ZNF234: variants seen among roughly 807,000 people sequenced by gnomAD.
The protein encoded by ZNF234 is C2-H2 type zinc finger protein.
Under a neutral mutation model 10.3 loss-of-function variants are expected in ZNF234, and 4 were observed. The ratio of observed to expected loss-of-function variants is 0.39; its 90% CI spans 0.19 to 0.89. The LOEUF (loss-of-function observed/expected upper bound fraction) is 0.89, where lower values mean the gene tolerates loss of function less well. Ranked by LOEUF, ZNF234 falls within the 40% of genes least tolerant of loss-of-function variation. The pLI, the probability that ZNF234 is intolerant of heterozygous loss-of-function variation, is 0.38. For synonymous variants in ZNF234, 258 were observed against 280.1 expected (o/e 0.92, Z 0.79); for missense variants, 711 against 836.1 (o/e 0.85, Z 1.85).
Position 44,156,322 on chromosome 19 carries a change from A to C in ZNF234, c.306A>C (p.Gln102His), listed in dbSNP as rs555059613. ...GACATGAAGAGCTTTACTGGGGGCA[A>C]ATCTGGAAACAGATTGCAAGTGATT... ...AGRHEELYWGQIWKQIASDLI... is the reference protein window; with the variant it reads ...AGRHEELYWGHIWKQIASDLI... The change falls in exon 6 of 6, where the codon CAA (glutamine) becomes CAC (histidine). Residue 102 changes from glutamine to histidine, a missense_variant. By Grantham distance (24) the Gln-to-His change is conservative (BLOSUM62 0). Transcript: ENST00000426739. 1 of 1,605,960 alleles carries C rather than the reference A, an allele frequency of 6.2e-7. No individual in the cohort carries two copies. The highest frequency in any genetic ancestry group is 8.5e-7 in the Non-Finnish European group (1 of 1,176,760).
intron 5 of ZNF234, among the ~76,000 whole-genome samples, chr19:44,151,288 C>T (rs1487816055): frequency 2.0e-5 from 3 of 152,014 alleles, no homozygotes; most frequent in East Asian, 3.9e-4. Context: ...CTGCCACCTC[C>T]GCCTCCCAGG....
rs769682516 is a variant in ZNF234, at chr19:44,157,372, A to G, written c.1356A>G (p.Val452=). 1 of 1,614,014 alleles carries G rather than the reference A, an allele frequency of 6.2e-7. No homozygotes were observed. Among genetic ancestry groups the G allele is most frequent in the South Asian group, 1.1e-5 (1 of 91,078 alleles). Residue 452 remains valine (V), a synonymous_variant, in exon 6 of 6, where the codon GTA becomes GTG. Transcript: ENST00000426739. ...AAATCCATCTGAAAGCACATAGTGT[A>G]CAGAAACCTTTTAAGTGTGAAGAGT... ...YLKIHLKAHS[V]QKPFKCEECG... is the part of the protein sequence containing the mutation.
rs1968959189 is a variant in ZNF234 at position 44,158,188 on chromosome 19, A to T, written c.*69A>T. 2 of 1,502,288 alleles carry T rather than the reference A, an allele frequency of 1.3e-6. No individual in the cohort carries two copies. Among genetic ancestry groups the T allele is most frequent in the East Asian group, 4.5e-5 (2 of 44,320 alleles). 93.1% of individuals were successfully genotyped at this position (1,502,288 alleles called of 1,614,324 possible). On this transcript the variant is annotated 3_prime_UTR_variant, in exon 6 of 6. Transcript: ENST00000426739. The stretch of plus-strand genomic sequence containing the variant: ...TAATTAGATTTCATAGGAGGGAAAA[A>T]TTTTCTTTATCAACCTCTTTGAATT...
chr19:44,156,256 C>G lies in ZNF234; in HGVS notation c.240C>G (p.Asp80Glu). The change falls in exon 6 of 6, where the codon GAC becomes GAG. Residue 80 changes from aspartate (D) to glutamate (E), a missense_variant. By Grantham distance (45) the Asp-to-Glu change is conservative (BLOSUM62 2). Transcript: ENST00000426739. ...TATQRKGKSA[D>E]KIQSEVETVP... ...CTGAATTCTCTGTCCTTACAGCAGA[C>G]AAGATCCAAAGTGAGGTGGAGACTG... 1 of 1,544,962 alleles carries G rather than the reference C, an allele frequency of 6.5e-7. No homozygotes were observed. The highest frequency in any genetic ancestry group is 8.7e-7 in the Non-Finnish European group (1 of 1,151,670).
intron 2 of ZNF234, among the ~76,000 whole-genome samples, chr19:44,142,615 T>A (rs1968493632): frequency 6.6e-6 from 1 of 152,138 alleles, no homozygotes; most frequent in South Asian, 2.1e-4. Context: ...ATCTCTTGGA[T>A]ATATTCTCAT....
chr19:44,144,201 C>T (rs1173487524), intron 2 of ZNF234, among the ~76,000 whole-genome samples: 1 of 152,116 alleles, frequency 6.6e-6, no homozygotes, highest in East Asian at 1.9e-4. Flanking sequence ...CAACAAGTAA[C>T]CTACTTTCTT....
chr19:44,147,518 G>A (rs916752624), intron 3 of ZNF234, among the ~76,000 whole-genome samples: 3 of 152,126 alleles, frequency 2.0e-5, no homozygotes, highest in African/African-American at 7.2e-5. Flanking sequence ...GATTACAGGT[G>A]TGAGCGACTG....
chr19:44,158,400 C>T lies in ZNF234; in HGVS notation c.*281C>T, dbSNP rs538804794. The T allele has an allele frequency of 3.4e-4, 135 of 396,818 alleles. 1 individual carries two copies. Among genetic ancestry groups the T allele is most frequent in the African/African-American group, 2.3e-3 (112 of 48,196 alleles). 24.6% of individuals were successfully genotyped at this position (396,818 alleles called of 1,614,324 possible). A position where few individuals can be genotyped will look rare whatever the true frequency, so the allele number is the denominator to read the frequency against. On this transcript the variant is annotated 3_prime_UTR_variant, in exon 6 of 6. Transcript: ENST00000426739. ...AGTGGATTACAGGTGCACACCACCA[C>T]GCCTGGCTAATTTTTGTATTTTTAG...
In ZNF234 at chr19:44,156,389, C is replaced by T. The variant is rs745819451; in HGVS notation, c.373C>T (p.Pro125Ser). 2 of 1,613,310 alleles carry T rather than the reference C, an allele frequency of 1.2e-6. No homozygotes were observed. The highest frequency in any genetic ancestry group is 1.7e-6 in the Non-Finnish European group (2 of 1,179,672). Residue 125 changes from proline (P) to serine (S), a missense_variant, in exon 6 of 6, where the codon CCC becomes TCC. By Grantham distance (74) the Pro-to-Ser change is moderately conservative (BLOSUM62 -1). Transcript: ENST00000426739. ...EDSMISISRF[P>S]RQGDLSCQVR... ...CTCTATGATAAGTATTTCTCGGTTC[C>T]CCAGACAAGGTGATTTGTCCTGCCA... is the stretch of plus-strand genomic sequence containing the variant.
chr19:44,144,422 T>G, intron 2 of ZNF234, 135 bp from the exon 3 acceptor site: 1 of 400,744 alleles, frequency 2.5e-6, no homozygotes, highest in East Asian at 3.6e-5. Flanking sequence ...TAGGAGGGCA[T>G]TTTGGTTGTG....
At chr19:44,142,917 A>AT (rs1398962612) in intron 2 of ZNF234, among the ~76,000 whole-genome samples, 1 of 152,176 alleles carries the variant, frequency 6.6e-6, no homozygotes, top group Admixed American at 6.5e-5. Context: ...TTCCATGTTT[A>AT]TATTACTTAT....
rs1285524802 is a variant in ZNF234, at chr19:44,158,856, C to G, written c.*737C>G. 2 of 152,556 alleles carry G rather than the reference C, an allele frequency of 1.3e-5. No individual in the cohort carries two copies. The highest frequency in any genetic ancestry group is 2.4e-5 in the African/African-American group (1 of 41,440). The allele number at this position is 152,556 out of a possible 1,614,324, so 9.5% of individuals were successfully genotyped here. A position where few individuals can be genotyped will look rare whatever the true frequency, so the allele number is the denominator to read the frequency against. On this transcript the variant is annotated 3_prime_UTR_variant, in exon 6 of 6. Transcript: ENST00000426739. ...TCCATGGGGGCAGGAACTTTGCTAC[C>G]GAATCTATACAACCTTAACATTGAC...
chr19:44,146,182 A>C (rs1968586472), intron 3 of ZNF234, among the ~76,000 whole-genome samples: 2 of 152,050 alleles, frequency 1.3e-5, no homozygotes, highest in African/African-American at 4.8e-5. Context: ...GTAGTGGGGG[A>C]CCTCTTGTGT....
chr19:44,151,842 C>G (rs527546697), intron 5 of ZNF234, among the ~76,000 whole-genome samples: 46 of 152,268 alleles, frequency 3.0e-4, no homozygotes, highest in African/African-American at 1.1e-3. Flanking sequence ...GCACTGGGCC[C>G]ACTTGGATAA....
Position 44,150,513 on chromosome 19 carries a change from C to T in ZNF234, c.235+8C>T, listed in dbSNP as rs1366195432. The T allele has an allele frequency of 6.4e-7, 1 of 1,569,332 alleles. No homozygotes were observed. The highest frequency in any genetic ancestry group is 8.6e-7 in the Non-Finnish European group (1 of 1,156,570). On this transcript the variant is annotated splice_region_variant and intron_variant, in intron 5 of 5. Coordinates refer to ENST00000426739, the MANE Select transcript of ZNF234 (RefSeq NM_006630.3). Reference sequence around the variant, plus strand: ...AAAGAAAAGGGAAATCAGGTAAGAACCAAGCAGCTAAGAGTCCTTGTACGT... The same window carrying T: ...AAAGAAAAGGGAAATCAGGTAAGAATCAAGCAGCTAAGAGTCCTTGTACGT...
At chr19:44,150,154 C>G (rs1007230568) in intron 4 of ZNF234, among the ~76,000 whole-genome samples, 1 of 152,176 alleles carries the variant, frequency 6.6e-6, no homozygotes, top group Admixed American at 6.5e-5. Context: ...GGGTCAGGGG[C>G]TCTCCAAAGA....
chr19:44,144,709 G>T, intron 3 of ZNF234, 62 bp downstream of exon 3: 1 of 1,464,728 alleles, frequency 6.8e-7, no homozygotes. Flanking sequence ...TGTTTCCTGA[G>T]GAAGACTCAA....
At chr19:44,143,906 G>C (rs1285144248) in intron 2 of ZNF234, among the ~76,000 whole-genome samples, 1 of 152,140 alleles carries the variant, frequency 6.6e-6, no homozygotes, top group Non-Finnish European at 1.5e-5. Flanking sequence ...CTGTTCCCCT[G>C]TTTGCTTATT....
intron 4 of ZNF234, 73 bp downstream of exon 4, chr19:44,148,970 T>C: frequency 6.6e-7 from 1 of 1,514,890 alleles, no homozygotes; most frequent in South Asian, 1.3e-5. Flanking sequence ...GGTTCAACAC[T>C]TTGGAGGTCT....
Sources: allele counts gnomAD v4.1 joint callset (sites outside exome capture counted in the v4.1 genomes callset), GRCh38; gene constraint gnomAD v4.1.1; transcripts MANE v1.5; gene names NCBI Gene and HGNC (gene_info 2026-07-23, HGNC 2026-07-21).